TTLL5: variants seen among roughly 807,000 people sequenced by gnomAD.
The protein encoded by TTLL5 is tubulin tyrosine ligase like 5, also known as tubulin polyglutamylase TTLL5.
TTLL5 carries 132 observed loss-of-function variants against 168.4 expected under a neutral mutation model. The ratio of observed to expected loss-of-function variants is 0.78; its 90% CI spans 0.68 to 0.91. TTLL5 has a LOEUF of 0.91. Ranked by LOEUF, TTLL5 falls within the 40% of genes least tolerant of loss-of-function variation. TTLL5 has a pLI of 0.00. For synonymous variants in TTLL5, 546 were observed against 558.6 expected (o/e 0.98, Z 0.32); for missense variants, 1,545 against 1,581.5 (o/e 0.98, Z 0.39).
intron 29 of TTLL5, among the ~76,000 whole-genome samples, chr14:75,872,054 A>C (rs1300241469): frequency 6.6e-6 from 1 of 152,248 alleles, no homozygotes; most frequent in Non-Finnish European, 1.5e-5. Context: ...ATAAAAGTTA[A>C]AACACACAAT....
intron 17 of TTLL5, among the ~76,000 whole-genome samples, chr14:75,747,663 C>T (rs1889694992): frequency 6.6e-6 from 1 of 152,076 alleles, no homozygotes; most frequent in Admixed American, 6.5e-5. Context: ...AGTTCCTCCA[C>T]TAAAGAGTCT....
chr14:75,793,226 T>C, intron 27 of TTLL5, 126 bp downstream of exon 27: 1 of 882,162 alleles, frequency 1.1e-6, no homozygotes, highest in Non-Finnish European at 1.6e-6. Context: ...GTATTATTAA[T>C]AGTTGGTTTC....
chr14:75,719,724 A>ATTTTTTTTTT lies in TTLL5; in HGVS notation c.843-8_843-7insTTTTTTTTTT. 1 of 1,595,272 alleles carries ATTTTTTTTTT rather than the reference A, an allele frequency of 6.3e-7. No individual in the cohort carries two copies. Among genetic ancestry groups the ATTTTTTTTTT allele is most frequent in the East Asian group, 2.3e-5 (1 of 44,026 alleles). On this transcript the variant is annotated splice_polypyrimidine_tract_variant and intron_variant, in intron 10 of 31. Transcript: ENST00000298832. Reference sequence around the variant, plus strand: ...TTACATATGTGACTTTGATTTATTAATTTGTTTTAGTTGTGACGATCCAGA... The same window carrying ATTTTTTTTTT: ...TTACATATGTGACTTTGATTTATTAATTTTTTTTTTTTTGTTTTAGTTGTGACGATCCAGA...
At chr14:75,830,242 A>G (rs1461662123) in intron 28 of TTLL5, among the ~76,000 whole-genome samples, 1 of 152,204 alleles carries the variant, frequency 6.6e-6, no homozygotes, top group Non-Finnish European at 1.5e-5. Flanking sequence ...AAAAACAAAA[A>G]CAAAAATTGT....
At chr14:75,812,003 A>G (rs1894071966) in intron 27 of TTLL5, among the ~76,000 whole-genome samples, 1 of 152,112 alleles carries the variant, frequency 6.6e-6, no homozygotes, top group Admixed American at 6.6e-5. Context: ...TCCTGCTATA[A>G]TTTAAACACC....
intron 31 of TTLL5, among the ~76,000 whole-genome samples, chr14:75,953,664 T>C (rs2035027205): frequency 6.6e-6 from 1 of 152,036 alleles, no homozygotes; most frequent in Admixed American, 6.6e-5. Context: ...TGTATATTGT[T>C]GGGATTGAGG....
intron 14 of TTLL5, 104 bp downstream of exon 14, chr14:75,734,154 C>T: frequency 1.9e-6 from 2 of 1,057,408 alleles, no homozygotes; most frequent in African/African-American, 3.2e-5. Flanking sequence ...CTAAGCCATG[C>T]TGAATGGTTT....
At chr14:75,793,160 G>GGAAAGACAAA in intron 27 of TTLL5, 60 bp downstream of exon 27, 2 of 1,422,816 alleles carry the variant, frequency 1.4e-6, no homozygotes, top group Non-Finnish European at 1.9e-6. Flanking sequence ...TTAATGACAG[G>GGAAAGACAAA]GTACTTTGTC....
intron 31 of TTLL5, among the ~76,000 whole-genome samples, chr14:75,922,443 G>A (rs552666052): frequency 6.6e-6 from 1 of 152,120 alleles, no homozygotes; most frequent in African/African-American, 2.4e-5. Flanking sequence ...TAGCATGAAG[G>A]GCTGTTGAAT....
chr14:75,889,723 A>G (rs2032295345), intron 30 of TTLL5, among the ~76,000 whole-genome samples: 1 of 151,390 alleles, frequency 6.6e-6, no homozygotes, highest in Non-Finnish European at 1.5e-5. Flanking sequence ...CCAGCTACTC[A>G]GGAGGCTGAG....
intron 29 of TTLL5, among the ~76,000 whole-genome samples, chr14:75,864,268 G>A (rs1438295763): frequency 3.3e-5 from 5 of 152,242 alleles, no homozygotes; most frequent in African/African-American, 1.2e-4. Flanking sequence ...TGGCATATGT[G>A]CGTGATATTA....
Position 75,944,275 on chromosome 14 carries a change from T to G in TTLL5, c.3824-10149T>G, listed in dbSNP as rs148707287. 9.8e-5 allele frequency among the ~76,000 whole-genome samples: 15 copies of G among 152,302 alleles called. No homozygotes were observed. In the East Asian group the frequency reaches 2.9e-3, roughly 29 times the overall value. ...AACATACTTTGCTGTGTGACTCGAA[T>G]ACATTCCCTACTTGCCATCAAGCTT... On this transcript the variant is annotated intron_variant, in intron 31 of 31. Coordinates refer to ENST00000298832, the MANE Select transcript of TTLL5 (RefSeq NM_015072.5).
intron 28 of TTLL5, among the ~76,000 whole-genome samples, chr14:75,854,623 C>G (rs1897040724): frequency 6.6e-6 from 1 of 152,092 alleles, no homozygotes; most frequent in African/African-American, 2.4e-5. Flanking sequence ...ATTTTACACC[C>G]CCGTCAGCAA....
At chr14:75,834,036 A>G (rs1409803927) in intron 28 of TTLL5, among the ~76,000 whole-genome samples, 3 of 152,240 alleles carry the variant, frequency 2.0e-5, no homozygotes, top group African/African-American at 7.2e-5. Context: ...AAGACCAGTA[A>G]TGATGAACTC....
chr14:75,735,314 C>A, intron 15 of TTLL5, 25 bp downstream of exon 15: 2 of 1,610,256 alleles, frequency 1.2e-6, no homozygotes. Flanking sequence ...CAGCAGGGAG[C>A]CTGAAGGAGG....
chr14:75,741,577 C>T (rs1387832067), intron 15 of TTLL5, among the ~76,000 whole-genome samples: 2 of 149,306 alleles, frequency 1.3e-5, no homozygotes, highest in South Asian at 2.1e-4. Context: ...AGTGTGTCTC[C>T]TTGACACTCA....
intron 27 of TTLL5, chr14:75,814,770 C>G (rs940880182): frequency 6.6e-6 from 1 of 152,170 alleles, no homozygotes; most frequent in Non-Finnish European, 1.5e-5. Context: ...TTAGCCAGAT[C>G]TGATTGAGAG....
intron 7 of TTLL5, 53 bp downstream of exon 7, chr14:75,699,323 C>A: frequency 6.9e-7 from 1 of 1,459,244 alleles, no homozygotes. Flanking sequence ...TTTCCTCCTT[C>A]ACCCTTTGTA....
At chr14:75,683,429 G>A (rs2140122153) in intron 4 of TTLL5, 121 bp from the exon 5 acceptor site, 1 of 732,266 alleles carries the variant, frequency 1.4e-6, no homozygotes, top group Non-Finnish European at 2.3e-6. Flanking sequence ...TACTAATTGG[G>A]CCACCCCGGT....
Sources: gnomAD v4.1 joint callset for allele counts (sites outside exome capture counted in the v4.1 genomes callset) on GRCh38, gnomAD v4.1.1 for gene constraint, MANE v1.5 for transcripts, NCBI Gene and HGNC (gene_info 2026-07-23, HGNC 2026-07-21) for gene names.